The following IFT70B variants were observed in gnomAD, a reference collection of about 807,000 sequenced individuals.
IFT70B encodes intraflagellar transport 70B, also known as intraflagellar transport protein 70B.
chr2:177,551,745 G>A, the IFT70B span: 4 of 1,614,096 alleles, frequency 2.5e-6, no homozygotes, highest in African/African-American at 5.3e-5. Context: ...CAGGACATCT[G>A]CTGCCAGGTC....
At chr2:177,552,226 C>T in the IFT70B span, 33 of 1,614,036 alleles carry the variant, frequency 2.0e-5, no homozygotes, top group East Asian at 6.7e-5. Flanking sequence ...GCCTGCAGGG[C>T]GGCAAAAAAC....
At chr2:177,551,135 G>A in the IFT70B span, 2 of 1,614,122 alleles carry the variant, frequency 1.2e-6, no homozygotes, top group South Asian at 2.2e-5. Flanking sequence ...TCACAATGCA[G>A]AGATGGTACA....
At chr2:177,552,137 C>T in the IFT70B span, 6 of 1,614,234 alleles carry the variant, frequency 3.7e-6, no homozygotes, top group Non-Finnish European at 5.1e-6. Flanking sequence ...CAGCGATATG[C>T]TTCAGTGCTG....
chr2:177,551,131 T>C, the IFT70B span: 1 of 1,614,174 alleles, frequency 6.2e-7, no homozygotes, highest in Non-Finnish European at 8.5e-7. Flanking sequence ...AAATTCACAA[T>C]GCAGAGATGG....
the IFT70B span, chr2:177,551,203 T>A: frequency 6.2e-7 from 1 of 1,613,860 alleles, no homozygotes; most frequent in African/African-American, 1.3e-5. Flanking sequence ...ATCTTCCTCA[T>A]CAACTCCTCT....
chr2:177,551,860 G>C, the IFT70B span: 3 of 1,614,228 alleles, frequency 1.9e-6, no homozygotes, highest in Non-Finnish European at 2.5e-6. Flanking sequence ...CCTTCTGTAG[G>C]CCTGGCATCC....
the IFT70B span, chr2:177,550,864 G>C: frequency 6.2e-7 from 1 of 1,614,070 alleles, no homozygotes; most frequent in Non-Finnish European, 8.5e-7. Context: ...TCTTCTTCCA[G>C]GGGTTGTTCA....
chr2:177,552,792 A>G, the IFT70B span: 1 of 1,491,392 alleles, frequency 6.7e-7, no homozygotes, highest in South Asian at 1.4e-5. Flanking sequence ...GGGTGCGGTT[A>G]CTATGGCAAC....
the IFT70B span, chr2:177,551,774 G>A: frequency 1.7e-4 from 268 of 1,614,258 alleles, no homozygotes; most frequent in African/African-American, 3.3e-3. Context: ...CATATTTACA[G>A]TAGAGCAGCA....
chr2:177,551,040 T>C, the IFT70B span: 1 of 1,614,208 alleles, frequency 6.2e-7, no homozygotes. Flanking sequence ...CAGCTTTTTG[T>C]TGTAAGGTTC....
chr2:177,552,692 A>T, the IFT70B span: 1 of 1,599,962 alleles, frequency 6.3e-7, no homozygotes, highest in East Asian at 2.2e-5. Context: ...CGTAGCGTGC[A>T]TTGCGGATGA....
At chr2:177,551,881 G>A in the IFT70B span, 4 of 1,614,252 alleles carry the variant, frequency 2.5e-6, no homozygotes, top group South Asian at 1.1e-5. Context: ...ATGTTCATTA[G>A]TGCCTGGTTG....
At chr2:177,550,358 T>C in the IFT70B span, 3 of 155,494 alleles carry the variant, frequency 1.9e-5, no homozygotes, top group Non-Finnish European at 4.3e-5. Context: ...TTAATGAGTG[T>C]AAATTGTGAG....
At chr2:177,552,626 G>A in the IFT70B span, 1 of 1,591,178 alleles carries the variant, frequency 6.3e-7, no homozygotes, top group Non-Finnish European at 8.6e-7. Flanking sequence ...GCGACAGGCC[G>A]GCGCGGCTCC....
chr2:177,552,588 T>C, the IFT70B span: 1 of 1,596,906 alleles, frequency 6.3e-7, no homozygotes, highest in Non-Finnish European at 8.5e-7. Context: ...CGCGAACTCC[T>C]GCAGGCGGTA....
At chr2:177,551,894 T>C in the IFT70B span, 129 of 1,614,056 alleles carry the variant, frequency 8.0e-5, no homozygotes, top group Middle Eastern at 3.3e-4. Context: ...CCTGGTTGTG[T>C]AGGGTCACAG....
chr2:177,549,204 A>G, the IFT70B span: 2 of 152,354 alleles, frequency 1.3e-5, no homozygotes, highest in South Asian at 2.1e-4. Flanking sequence ...AGAGGTCACT[A>G]AACATTGCTT....
chr2:177,552,693 T>C, the IFT70B span: 3 of 1,600,218 alleles, frequency 1.9e-6, no homozygotes, highest in Non-Finnish European at 2.6e-6. Flanking sequence ...GTAGCGTGCA[T>C]TGCGGATGAG....
chr2:177,552,322 T>C, the IFT70B span: 3 of 1,614,144 alleles, frequency 1.9e-6, no homozygotes, highest in Non-Finnish European at 2.5e-6. Flanking sequence ...TCGCCCCCAC[T>C]TTCCTCTCCC....
Sources: gnomAD v4.1 joint callset for allele counts on GRCh38, gnomAD v4.1.1 for gene constraint, MANE v1.5 for transcripts, NCBI Gene and HGNC (gene_info 2026-07-23, HGNC 2026-07-21) for gene names.